Variants in DLGAP2 observed in about 807,000 individuals in gnomAD.
DLGAP2 encodes the protein DLG associated protein 2, also known as disks large-associated protein 2.
A neutral mutation model predicts 100.3 loss-of-function variants in DLGAP2; 26 were observed. The ratio of observed to expected loss-of-function variants is 0.26; its 90% CI spans 0.19 to 0.36. The LOEUF (loss-of-function observed/expected upper bound fraction) is 0.36, where lower values mean the gene tolerates loss of function less well. Ranked by LOEUF, DLGAP2 falls within the 10% of genes least tolerant of loss-of-function variation. The probability of loss-of-function intolerance (pLI) is 1.00; values close to 1 mark genes in which losing one functional copy is unlikely to be tolerated. For missense variants in DLGAP2, 1,858 were observed against 1,453.2 expected, an observed-to-expected ratio of 1.28 and a Z score of -4.53; for synonymous variants, 886 against 630.1, an observed-to-expected ratio of 1.41 and a Z score of -6.08.
chr8:1,363,718 C>A (rs1024634791), intron 3 of DLGAP2, among the ~76,000 whole-genome samples: 1 of 152,234 alleles, frequency 6.6e-6, no homozygotes. Context: ...GGAAAGAGAA[C>A]CCGACGCTCT....
chr8:1,442,328 C>T (rs977517700), intron 3 of DLGAP2, among the ~76,000 whole-genome samples: 8 of 142,426 alleles, frequency 5.6e-5, no homozygotes, highest in African/African-American at 2.1e-4. Context: ...GGTTCAGCCA[C>T]TGGGGGAGAT....
At chr8:1,193,650 G>T (rs1376789) in intron 2 of DLGAP2, among the ~76,000 whole-genome samples, 7,864 of 152,166 alleles carry the variant, frequency 0.052, 530 homozygotes, top group African/African-American at 0.16. Context: ...TCCCTGGCAC[G>T]GCTGTTTCTG....
At chr8:1,316,604 G>A (rs71516183) in intron 3 of DLGAP2, among the ~76,000 whole-genome samples, 23 of 88,084 alleles carry the variant, frequency 2.6e-4, no homozygotes, top group African/African-American at 5.9e-4. Flanking sequence ...ACTCGGCAGC[G>A]TTTAAAAATA....
chr8:1,534,330 G>C (rs533532324), intron 4 of DLGAP2, among the ~76,000 whole-genome samples: 96 of 152,162 alleles, frequency 6.3e-4, no homozygotes, highest in Non-Finnish European at 7.3e-4. Context: ...ATGAGATTAG[G>C]TTTACAACTG....
chr8:786,648 C>T (rs1292329676), intron 1 of DLGAP2, among the ~76,000 whole-genome samples: 1 of 152,046 alleles, frequency 6.6e-6, no homozygotes, highest in Non-Finnish European at 1.5e-5. Flanking sequence ...TCGGTGGTGC[C>T]TGCAGAGACC....
intron 5 of DLGAP2, among the ~76,000 whole-genome samples, chr8:1,561,199 G>T (rs542458152): frequency 1.2e-4 from 19 of 152,270 alleles, no homozygotes; most frequent in African/African-American, 4.3e-4. Flanking sequence ...TGCCATGACT[G>T]CGAGGCCTCC....
intron 2 of DLGAP2, among the ~76,000 whole-genome samples, chr8:1,167,216 G>A (rs897173352): frequency 6.6e-6 from 1 of 152,134 alleles, no homozygotes; most frequent in Non-Finnish European, 1.5e-5. Context: ...AAAAGCACAT[G>A]CATGAAATTC....
At chr8:1,200,799 T>C (rs1168720276) in intron 2 of DLGAP2, among the ~76,000 whole-genome samples, 1 of 152,222 alleles carries the variant, frequency 6.6e-6, no homozygotes. Flanking sequence ...TCCAGAAGAC[T>C]CTGAGAGAAT....
chr8:1,324,046 G>A lies in DLGAP2; in HGVS notation c.106+65163G>A, dbSNP rs116722039. 2.9e-3 allele frequency among the ~76,000 whole-genome samples: 448 copies of A among 152,324 alleles called. 1 individual carries two copies. Among genetic ancestry groups the A allele is most frequent in the African/African-American group, 9.0e-3 (376 of 41,558 alleles). On this transcript the variant is annotated intron_variant, in intron 3 of 14. Transcript: ENST00000637795. ...AACTGAAGTGTGCGTCTGGTCTGCTGTGATATCCAACCGGAAAGGCTGAAG... is the reference window on the plus strand; with the variant it reads ...AACTGAAGTGTGCGTCTGGTCTGCTATGATATCCAACCGGAAAGGCTGAAG...
At chr8:1,381,925 C>G (rs1010860264) in intron 3 of DLGAP2, among the ~76,000 whole-genome samples, 2 of 151,694 alleles carry the variant, frequency 1.3e-5, no homozygotes, top group Non-Finnish European at 2.9e-5. Context: ...TTGTCTGAAC[C>G]CCAGCACCAA....
At chr8:790,009 A>C (rs1398063051) in intron 1 of DLGAP2, among the ~76,000 whole-genome samples, 1 of 152,170 alleles carries the variant, frequency 6.6e-6, no homozygotes, top group African/African-American at 2.4e-5. Flanking sequence ...GGCAGTGGTA[A>C]TTCAGTCATG....
intron 2 of DLGAP2, among the ~76,000 whole-genome samples, chr8:1,166,145 C>T (rs1246367754): frequency 3.3e-5 from 5 of 152,196 alleles, no homozygotes; most frequent in South Asian, 2.1e-4. Context: ...CCCTGTCCTT[C>T]CCCGGCCTCT....
At chr8:1,112,631 C>T (rs4735839) in intron 2 of DLGAP2, among the ~76,000 whole-genome samples, 39,664 of 152,104 alleles carry the variant, frequency 0.26, 5,915 homozygotes, top group Admixed American at 0.33. Flanking sequence ...TTGTCAGATG[C>T]GTAGTTTGCA....
At chr8:1,662,165 C>G (rs1798423353) in intron 8 of DLGAP2, among the ~76,000 whole-genome samples, 1 of 152,174 alleles carries the variant, frequency 6.6e-6, no homozygotes, top group South Asian at 2.1e-4. Context: ...TATCATCAAG[C>G]CAATAAACAA....
At chr8:1,686,660 G>A (rs1170010147) in intron 12 of DLGAP2, among the ~76,000 whole-genome samples, 1 of 149,726 alleles carries the variant, frequency 6.7e-6, no homozygotes, top group African/African-American at 2.5e-5. Context: ...GGCAACAAGA[G>A]GGAGACCCCA....
intron 2 of DLGAP2, among the ~76,000 whole-genome samples, chr8:1,153,508 A>G (rs1796731155): frequency 6.6e-6 from 1 of 152,218 alleles, no homozygotes; most frequent in African/African-American, 2.4e-5. Context: ...GAATCCAGGA[A>G]CACATTCTAC....
chr8:1,183,140 A>G (rs976521003), intron 2 of DLGAP2, among the ~76,000 whole-genome samples: 1 of 151,910 alleles, frequency 6.6e-6, no homozygotes, highest in African/African-American at 2.4e-5. Context: ...TGGGTGGGGC[A>G]GGGAAACAAG....
At position 1,697,141 on chromosome 8, in the gene DLGAP2, C is replaced by T; in HGVS notation, c.2797-6C>T. 6.4e-7 allele frequency: 1 copy of T among 1,565,350 alleles called. No homozygotes were observed. Among genetic ancestry groups the T allele is most frequent in the Non-Finnish European group, 8.7e-7 (1 of 1,154,452 alleles). Reference sequence around the variant, plus strand: ...CTGGCTCTGAACACCCTGTGTGTGTCCCCAGGACCCCAGCGCCATGCCGAG... The same window carrying T: ...CTGGCTCTGAACACCCTGTGTGTGTTCCCAGGACCCCAGCGCCATGCCGAG... On this transcript the variant is annotated splice_polypyrimidine_tract_variant and splice_region_variant and intron_variant, in intron 13 of 14. Coordinates refer to ENST00000637795, the MANE Select transcript of DLGAP2 (RefSeq NM_001346810.2).
intron 2 of DLGAP2, among the ~76,000 whole-genome samples, chr8:1,257,060 C>T (rs749385623): frequency 4.6e-5 from 7 of 152,170 alleles, no homozygotes; most frequent in Non-Finnish European, 8.8e-5. Flanking sequence ...TCCCCTCCAC[C>T]GGCGCCCGTG....
Sources: allele counts gnomAD v4.1 joint callset (sites outside exome capture counted in the v4.1 genomes callset), GRCh38; gene constraint gnomAD v4.1.1; transcripts MANE v1.5; gene names NCBI Gene and HGNC (gene_info 2026-07-23, HGNC 2026-07-21).